Variants in CMC2 observed in about 807,000 individuals in gnomAD.
CMC2 encodes the protein C-X9-C motif containing 2, also known as COX assembly mitochondrial protein 2 homolog.
In CMC2, 5 loss-of-function variants were observed where a neutral mutation model predicts 7.5. The ratio of observed to expected loss-of-function variants is 0.66; its 90% CI spans 0.35 to 1.40. The LOEUF (loss-of-function observed/expected upper bound fraction) is 1.40. Ranked by LOEUF, CMC2 falls within the 40% of genes most tolerant of loss-of-function variation. The pLI, the probability that CMC2 is intolerant of heterozygous loss-of-function variation, is 0.04. For missense variants in CMC2, 115 were observed against 92.3 expected (o/e 1.25, Z -1.01); for synonymous variants, 37 against 31.4 (o/e 1.18, Z -0.60).
At chr16:81,006,639 C>A in intron 1 of CMC2, 95 bp downstream of exon 1, 1 of 916,634 alleles carries the variant, frequency 1.1e-6, no homozygotes, top group Non-Finnish European at 1.3e-6. Flanking sequence ...CTGGGGCCGA[C>A]GGGCGGCAGG....
At position 80,967,549 on chromosome 16, in the gene CMC2, C is replaced by T. The variant is rs1911640906; in HGVS notation, c.*8544G>A. 2 of 152,276 alleles carry T rather than the reference C, an allele frequency of 1.3e-5. No individual in the cohort carries two copies. The highest frequency in any genetic ancestry group is 4.1e-4 in the South Asian group (2 of 4,832). 9.4% of individuals were successfully genotyped at this position (152,276 alleles called of 1,614,324 possible). A position where few individuals can be genotyped will look rare whatever the true frequency, so the allele number is the denominator to read the frequency against. On this transcript the variant is annotated 3_prime_UTR_variant, in exon 4 of 4. Transcript: ENST00000219400. The stretch of plus-strand genomic sequence containing the variant: ...AGAGACGGGGTTTCACCGTGTTAGC[C>T]AGGATGGTCTCGATCTCCTGACCTC...
intron 1 of CMC2, among the ~76,000 whole-genome samples, chr16:81,004,202 G>A (rs1332894733): frequency 6.7e-6 from 1 of 149,518 alleles, no homozygotes; most frequent in East Asian, 2.0e-4. Flanking sequence ...TAGCCTGGTC[G>A]AAAGAGTGAG....
At chr16:81,001,551 G>C (rs1421236748) in intron 1 of CMC2, among the ~76,000 whole-genome samples, 1 of 152,024 alleles carries the variant, frequency 6.6e-6, no homozygotes, top group East Asian at 1.9e-4. Context: ...GGTGGTGATG[G>C]TTGCACAACA....
In CMC2 at chr16:80,973,304, A is replaced by G. The variant is rs1267040229; in HGVS notation, c.*2789T>C. ...TGCCCCATCAGCTGGGGCCCCACTC[A>G]AACGGTATCAGCCCTAGTGATTTGG... On this transcript the variant is annotated 3_prime_UTR_variant, in exon 4 of 4. Transcript: ENST00000219400. The G allele has an allele frequency of 6.6e-6, 1 of 152,108 alleles. No individual in the cohort carries two copies. The highest frequency in any genetic ancestry group is 1.9e-4 in the East Asian group (1 of 5,168). The allele number at this position is 152,108 out of a possible 1,614,324, so 9.4% of individuals were successfully genotyped here.
chr16:80,987,808 C>T (rs1373882087), intron 2 of CMC2, among the ~76,000 whole-genome samples: 1 of 152,148 alleles, frequency 6.6e-6, no homozygotes, highest in Non-Finnish European at 1.5e-5. Flanking sequence ...ACAAAAAAGA[C>T]TAAAACAGAA....
At chr16:80,984,968 G>GA (rs1442189714) in intron 2 of CMC2, among the ~76,000 whole-genome samples, 3 of 152,128 alleles carry the variant, frequency 2.0e-5, no homozygotes, top group African/African-American at 7.2e-5. Flanking sequence ...TCTAGTGCCT[G>GA]GTGTCAATTT....
chr16:80,991,041 T>G (rs1005709607), intron 2 of CMC2, among the ~76,000 whole-genome samples: 80 of 144,892 alleles, frequency 5.5e-4, no homozygotes, highest in African/African-American at 1.9e-3. Context: ...TTTTTTTTTT[T>G]AACAGCTGCA....
intron 2 of CMC2, among the ~76,000 whole-genome samples, chr16:80,991,436 A>T (rs951277847): frequency 1.3e-5 from 2 of 152,142 alleles, no homozygotes; most frequent in Non-Finnish European, 1.5e-5. Flanking sequence ...GGAGTTCAAG[A>T]CCAGCCTGAG....
At chr16:81,000,937 A>C (rs1169675985) in intron 1 of CMC2, among the ~76,000 whole-genome samples, 2 of 152,244 alleles carry the variant, frequency 1.3e-5, no homozygotes, top group East Asian at 3.8e-4. Flanking sequence ...AAAGATATGG[A>C]ATCAACCTAA....
intron 2 of CMC2, among the ~76,000 whole-genome samples, chr16:80,995,615 C>T (rs1968353386): frequency 6.6e-6 from 1 of 152,184 alleles, no homozygotes. Flanking sequence ...CAAGATCGCG[C>T]CACTACACTC....
At chr16:80,983,510 A>G (rs891555123) in intron 2 of CMC2, 1 of 152,260 alleles carries the variant, frequency 6.6e-6, no homozygotes, top group African/African-American at 2.4e-5. Context: ...TGTTAAAATC[A>G]CAGCACAATC....
intron 1 of CMC2, among the ~76,000 whole-genome samples, chr16:81,001,553 T>A (rs1054266049): frequency 3.3e-5 from 5 of 152,130 alleles, no homozygotes; most frequent in Non-Finnish European, 5.9e-5. Context: ...TGGTGATGGT[T>A]GCACAACATT....
At chr16:80,990,107 C>CT (rs36083108) in intron 2 of CMC2, among the ~76,000 whole-genome samples, 4 of 151,208 alleles carry the variant, frequency 2.6e-5, no homozygotes, top group East Asian at 1.9e-4. Flanking sequence ...ATTCCCTCCC[C>CT]TTTTTTTGAG....
intron 1 of CMC2, chr16:80,997,755 A>G (rs16954453): frequency 0.018 from 2,932 of 165,464 alleles, 99 homozygotes; most frequent in African/African-American, 0.066. Context: ...TTTTCGCCAC[A>G]TTCTCGAAAT....
rs764041933 is a variant in CMC2 at position 80,999,576 on chromosome 16, A to G, written c.-35-2147T>C. Among the ~76,000 whole-genome samples, 6 of 152,210 alleles carry G rather than the reference A, an allele frequency of 3.9e-5. No individual in the cohort carries two copies. The East Asian group carries it at 7.7e-4, about 20-fold the overall frequency. ...ATTAGAAAAAACTATCCAAAAATTC[A>G]TATGGAACCAAAAAGGGGCTCAAAT... is the stretch of plus-strand genomic sequence containing the variant. On this transcript the variant is annotated intron_variant, in intron 1 of 3. Transcript: ENST00000219400.
Position 80,969,426 on chromosome 16 carries a change from C to G in CMC2, c.*6667G>C, listed in dbSNP as rs1409520349. The stretch of plus-strand genomic sequence containing the variant: ...GCAATTGGTACTGGGAAGGTTCTTG[C>G]CCACTTCAGTAAATGGGGCCCACAG... On this transcript the variant is annotated 3_prime_UTR_variant, in exon 4 of 4. Coordinates refer to ENST00000219400, the MANE Select transcript of CMC2 (RefSeq NM_020188.5). 1 of 152,242 alleles carries G rather than the reference C, an allele frequency of 6.6e-6. No individual in the cohort carries two copies. The highest frequency in any genetic ancestry group is 2.1e-4 in the South Asian group (1 of 4,834). 9.4% of individuals were successfully genotyped at this position (152,242 alleles called of 1,614,324 possible).
chr16:80,976,240 GT>G lies in CMC2; in HGVS notation c.154-62del, dbSNP rs1912332614. The stretch of plus-strand genomic sequence containing the variant: ...GCAGATTATGTCACTATTTATAGCA[GT>G]TTACTATTTAGAAATATTTGCAAAA... On this transcript the variant is annotated intron_variant, in intron 3 of 3. Coordinates refer to ENST00000219400, the MANE Select transcript of CMC2 (RefSeq NM_020188.5). 17 of 878,674 alleles carry G rather than the reference GT, an allele frequency of 1.9e-5. No homozygotes were observed. The South Asian group carries it at 2.7e-4, about 14-fold the overall frequency. The allele number at this position is 878,674 out of a possible 1,614,324, so 54.4% of individuals were successfully genotyped here.
rs1426675991 is a variant in CMC2 at position 80,997,380 on chromosome 16, T to C, written c.15A>G (p.Leu5=). 3 of 1,612,664 alleles carry C rather than the reference T, an allele frequency of 1.9e-6. No homozygotes were observed. The highest frequency in any genetic ancestry group is 2.5e-6 in the Non-Finnish European group (3 of 1,178,774). ...ATTCTTCAGTGTGCAAGTGTGGAGA[T>C]AAGTCAGGATGCATCTTTAGGAGAT... MHPD[L]SPHLHTEECN... is the part of the protein sequence containing the mutation. The change falls in exon 2 of 4, where the codon TTA becomes TTG. Residue 5 remains leucine, a synonymous_variant. Transcript: ENST00000219400.
At chr16:80,985,504 A>G (rs1967449483) in intron 2 of CMC2, among the ~76,000 whole-genome samples, 1 of 152,226 alleles carries the variant, frequency 6.6e-6, no homozygotes, top group Admixed American at 6.5e-5. Flanking sequence ...ATGTAAAATT[A>G]TAATTTATCA....
Sources: allele counts gnomAD v4.1 joint callset (sites outside exome capture counted in the v4.1 genomes callset), GRCh38; gene constraint gnomAD v4.1.1; transcripts MANE v1.5; gene names NCBI Gene and HGNC (gene_info 2026-07-23, HGNC 2026-07-21).